Variants in MACROD2 observed in about 807,000 individuals in gnomAD.
The protein encoded by MACROD2 is mono-ADP ribosylhydrolase 2.
A neutral mutation model predicts 70.4 loss-of-function variants in MACROD2; 36 were observed. The ratio of observed to expected loss-of-function variants is 0.51; its 90% CI spans 0.39 to 0.68. The LOEUF is 0.68. MACROD2 is among the 30% of genes least tolerant of loss of function. The pLI is 0.00. For synonymous variants in MACROD2, 172 were observed against 178.8 expected (o/e 0.96, Z 0.30); for missense variants, 496 against 538.4 (o/e 0.92, Z 0.78).
intron 6 of MACROD2, among the ~76,000 whole-genome samples, chr20:15,278,423 G>A (rs930476968): frequency 6.6e-6 from 1 of 152,128 alleles, no homozygotes; most frequent in African/African-American, 2.4e-5. Flanking sequence ...GCAGAATGAG[G>A]GTATGTGGAA....
At chr20:14,566,276 A>G (rs1420783605) in intron 4 of MACROD2, among the ~76,000 whole-genome samples, 1 of 151,928 alleles carries the variant, frequency 6.6e-6, no homozygotes, top group African/African-American at 2.4e-5. Context: ...ATGCTTCTGC[A>G]TTAGTATTCA....
intron 10 of MACROD2, among the ~76,000 whole-genome samples, chr20:15,908,086 G>A (rs1289413636): frequency 2.6e-5 from 4 of 152,086 alleles, no homozygotes; most frequent in Non-Finnish European, 5.9e-5. Context: ...CTTTTGGAGG[G>A]TACAGACCAT....
At chr20:14,786,229 A>AGAGAGG (rs1422730604) in intron 5 of MACROD2, among the ~76,000 whole-genome samples, 47 of 151,462 alleles carry the variant, frequency 3.1e-4, no homozygotes, top group African/African-American at 1.1e-3. Context: ...AGAGAGAGAG[A>AGAGAGG]GAGAGAGAAT....
chr20:14,113,731 C>G (rs1214120634), intron 3 of MACROD2, among the ~76,000 whole-genome samples: 1 of 152,058 alleles, frequency 6.6e-6, no homozygotes, highest in Non-Finnish European at 1.5e-5. Context: ...TCCATTACCA[C>G]TGGGTTGAAG....
At chr20:14,805,994 T>C (rs1448380278) in intron 5 of MACROD2, among the ~76,000 whole-genome samples, 3 of 151,694 alleles carry the variant, frequency 2.0e-5, no homozygotes, top group Non-Finnish European at 2.9e-5. Context: ...ATTGTGAAGA[T>C]TCGATGAGTT....
At position 14,055,533 on chromosome 20, in the gene MACROD2, A is replaced by T. The variant is rs922764652; in HGVS notation, c.164-30088A>T. ...AAAAAAAAAAAAAAAAAATACATAT[A>T]TATACACATTTGACTATGAATCCTT... On this transcript the variant is annotated intron_variant, in intron 2 of 17. Transcript: ENST00000684519. Among the ~76,000 whole-genome samples the T allele has an allele frequency of 2.6e-5, 4 of 151,190 alleles. No homozygotes were observed. In the East Asian group the frequency reaches 7.8e-4, roughly 29 times the overall value.
rs117146705 is a variant in MACROD2 at position 14,077,758 on chromosome 20, A to G, written c.164-7863A>G. The stretch of plus-strand genomic sequence containing the variant: ...TGGCTATGATTAAATTGATTTCTAT[A>G]TAAAGTTTTTTTTTAAATAACATCA... On this transcript the variant is annotated intron_variant, in intron 2 of 17. Transcript: ENST00000684519. 3.3e-5 allele frequency among the ~76,000 whole-genome samples: 5 copies of G among 152,306 alleles called. No homozygotes were observed. In the East Asian group the frequency reaches 9.6e-4, roughly 29 times the overall value.
At chr20:15,711,949 A>T (rs1219422326) in intron 8 of MACROD2, among the ~76,000 whole-genome samples, 2 of 151,956 alleles carry the variant, frequency 1.3e-5, no homozygotes, top group African/African-American at 4.8e-5. Context: ...TTTGATTTGA[A>T]TTTTTTTCCC....
At chr20:14,459,489 GGC>G (rs2084343106) in intron 3 of MACROD2, among the ~76,000 whole-genome samples, 1 of 151,748 alleles carries the variant, frequency 6.6e-6, no homozygotes, top group Non-Finnish European at 1.5e-5. Flanking sequence ...TAAATATTAT[GGC>G]ATATAAACAG....
intron 6 of MACROD2, among the ~76,000 whole-genome samples, chr20:15,281,819 G>A (rs892905400): frequency 6.6e-6 from 1 of 152,210 alleles, no homozygotes; most frequent in Non-Finnish European, 1.5e-5. Flanking sequence ...GTGCCCCAGT[G>A]GGGACTCTGG....
intron 5 of MACROD2, among the ~76,000 whole-genome samples, chr20:14,844,533 A>G (rs1194759437): frequency 6.6e-6 from 1 of 151,950 alleles, no homozygotes; most frequent in Non-Finnish European, 1.5e-5. Context: ...ATAAAAAATA[A>G]AAATAAAAAC....
intron 5 of MACROD2, among the ~76,000 whole-genome samples, chr20:15,090,316 T>C (rs978026193): frequency 6.6e-6 from 1 of 152,096 alleles, no homozygotes; most frequent in African/African-American, 2.4e-5. Context: ...GATGCAACTA[T>C]CTCTTTCTTC....
At chr20:15,587,588 C>G (rs458146) in intron 8 of MACROD2, among the ~76,000 whole-genome samples, 62,795 of 152,148 alleles carry the variant, frequency 0.41, 15,687 homozygotes, top group Admixed American at 0.55. Flanking sequence ...CTAATTACTT[C>G]CTAGATGCAA....
At chr20:15,184,398 G>C (rs185132952) in intron 5 of MACROD2, among the ~76,000 whole-genome samples, 167 of 152,272 alleles carry the variant, frequency 1.1e-3, no homozygotes, top group Admixed American at 1.7e-3. Context: ...GTGTCAGTCA[G>C]AACAGGGTAG....
At chr20:15,705,482 C>T (rs997330162) in intron 8 of MACROD2, among the ~76,000 whole-genome samples, 7 of 152,010 alleles carry the variant, frequency 4.6e-5, no homozygotes, top group East Asian at 1.9e-4. Flanking sequence ...GGCAATGGTG[C>T]GATCTCAGCT....
intron 5 of MACROD2, among the ~76,000 whole-genome samples, chr20:14,816,605 G>A (rs2072776673): frequency 6.6e-6 from 1 of 151,918 alleles, no homozygotes; most frequent in Non-Finnish European, 1.5e-5. Context: ...ATATGTGTGT[G>A]TTATACTCAT....
At chr20:15,828,230 T>C (rs2064018433) in intron 8 of MACROD2, among the ~76,000 whole-genome samples, 1 of 152,218 alleles carries the variant, frequency 6.6e-6, no homozygotes, top group Non-Finnish European at 1.5e-5. Flanking sequence ...TCACATTGTA[T>C]ACCATAAATG....
chr20:15,245,037 TA>T (rs1276093332), intron 6 of MACROD2, among the ~76,000 whole-genome samples: 5 of 152,244 alleles, frequency 3.3e-5, no homozygotes, highest in African/African-American at 1.2e-4. Flanking sequence ...AGACTTGTCA[TA>T]AATAATTCAG....
At chr20:14,694,610 T>C (rs2071100558) in intron 5 of MACROD2, among the ~76,000 whole-genome samples, 1 of 152,224 alleles carries the variant, frequency 6.6e-6, no homozygotes, top group Admixed American at 6.5e-5. Flanking sequence ...ATATTGCAAG[T>C]AATTTTAGAT....
Sources: allele counts gnomAD v4.1 joint callset (sites outside exome capture counted in the v4.1 genomes callset), GRCh38; gene constraint gnomAD v4.1.1; transcripts MANE v1.5; gene names NCBI Gene and HGNC (gene_info 2026-07-23, HGNC 2026-07-21).